The following SPAG16 variants were observed in gnomAD, a reference collection of about 807,000 sequenced individuals.
SPAG16 encodes sperm associated antigen 16.
A neutral mutation model predicts 80.4 loss-of-function variants in SPAG16; 86 were observed. The ratio of observed to expected loss-of-function variants is 1.07; its 90% CI spans 0.90 to 1.28. The LOEUF is 1.28. Ranked by LOEUF, SPAG16 falls within the 50% of genes most tolerant of loss-of-function variation. SPAG16 has a pLI of 0.00. For synonymous variants in SPAG16, 294 were observed against 265.9 expected (o/e 1.11, Z -1.03); for missense variants, 870 against 765.3 (o/e 1.14, Z -1.61).
chr2:213,371,452 G>A (rs544873383), intron 8 of SPAG16, among the ~76,000 whole-genome samples: 18 of 146,066 alleles, frequency 1.2e-4, no homozygotes, highest in Non-Finnish European at 2.5e-4. Flanking sequence ...TTAAGTGGTT[G>A]TTCTTCATAA....
At chr2:213,296,974 C>T (rs1236376011) in intron 2 of SPAG16, 4 of 978,758 alleles carry the variant, frequency 4.1e-6, no homozygotes, top group East Asian at 1.1e-4. Context: ...ATTTAGATAG[C>T]CTTATTATTT....
chr2:213,717,950 T>G (rs1174676499), intron 10 of SPAG16, among the ~76,000 whole-genome samples: 1 of 152,012 alleles, frequency 6.6e-6, no homozygotes, highest in Non-Finnish European at 1.5e-5. Flanking sequence ...TTAGACTTCA[T>G]GACTAAAACA....
chr2:213,506,946 C>G (rs2074993158), intron 10 of SPAG16, among the ~76,000 whole-genome samples: 1 of 152,178 alleles, frequency 6.6e-6, no homozygotes, highest in Non-Finnish European at 1.5e-5. Flanking sequence ...TCACAATGCT[C>G]TCTAGGAAAA....
intron 15 of SPAG16, among the ~76,000 whole-genome samples, chr2:214,368,877 A>G (rs1035143944): frequency 6.6e-6 from 1 of 152,014 alleles, no homozygotes; most frequent in Non-Finnish European, 1.5e-5. Context: ...CTATATCTTA[A>G]TTTTACAATT....
chr2:213,668,560 G>A (rs2063699158), intron 10 of SPAG16, among the ~76,000 whole-genome samples: 1 of 152,008 alleles, frequency 6.6e-6, no homozygotes, highest in Non-Finnish European at 1.5e-5. Flanking sequence ...TTAATATTTA[G>A]CACAGTTCTT....
intron 9 of SPAG16, among the ~76,000 whole-genome samples, chr2:213,431,930 A>G (rs1182986381): frequency 1.3e-5 from 2 of 152,124 alleles, no homozygotes; most frequent in Non-Finnish European, 2.9e-5. Flanking sequence ...TGAAACTAGA[A>G]GTTAATACCA....
chr2:213,603,980 A>G (rs2061163106), intron 10 of SPAG16, among the ~76,000 whole-genome samples: 1 of 151,412 alleles, frequency 6.6e-6, no homozygotes, highest in Non-Finnish European at 1.5e-5. Flanking sequence ...CTGAAGAGCA[A>G]TGGCACGATC....
intron 15 of SPAG16, among the ~76,000 whole-genome samples, chr2:214,377,398 C>T (rs965505452): frequency 1.3e-5 from 2 of 152,168 alleles, no homozygotes; most frequent in Admixed American, 1.3e-4. Flanking sequence ...TGGAGGCCTG[C>T]AGCTGTGGTT....
intron 15 of SPAG16, among the ~76,000 whole-genome samples, chr2:214,286,501 C>G (rs1331497868): frequency 6.6e-6 from 1 of 152,154 alleles, no homozygotes; most frequent in Non-Finnish European, 1.5e-5. Flanking sequence ...AATCCCGGCA[C>G]TTTGTGAGGC....
intron 12 of SPAG16, among the ~76,000 whole-genome samples, chr2:213,977,237 C>T (rs1157300631): frequency 6.6e-6 from 1 of 152,030 alleles, no homozygotes; most frequent in African/African-American, 2.4e-5. Context: ...ATGAAAAATA[C>T]ACACACTGCC....
chr2:213,766,608 G>A (rs1327618686), intron 10 of SPAG16, among the ~76,000 whole-genome samples: 3 of 152,152 alleles, frequency 2.0e-5, no homozygotes, highest in Non-Finnish European at 2.9e-5. Context: ...CAGATATGGG[G>A]GTGGTCTCAG....
At chr2:214,173,592 C>G (rs1342962826) in intron 15 of SPAG16, among the ~76,000 whole-genome samples, 1 of 151,768 alleles carries the variant, frequency 6.6e-6, no homozygotes, top group Non-Finnish European at 1.5e-5. Flanking sequence ...AATAGCTTAC[C>G]AACCAAAAAG....
intron 15 of SPAG16, chr2:214,280,534 A>G (rs1692843481): frequency 5.8e-6 from 1 of 170,962 alleles, no homozygotes; most frequent in Admixed American, 6.3e-5. Flanking sequence ...TCAAAGAAAC[A>G]GAGTAGAGAT....
chr2:213,536,667 G>T (rs1402313704), intron 10 of SPAG16, among the ~76,000 whole-genome samples: 1 of 152,082 alleles, frequency 6.6e-6, no homozygotes, highest in Non-Finnish European at 1.5e-5. Context: ...CCCACTTTTT[G>T]ATGGGGTTGT....
intron 10 of SPAG16, among the ~76,000 whole-genome samples, chr2:213,667,283 A>T (rs539525436): frequency 6.6e-6 from 1 of 152,224 alleles, no homozygotes; most frequent in Admixed American, 6.5e-5. Context: ...TCACTAGGAA[A>T]TTCAGGAGGG....
intron 10 of SPAG16, among the ~76,000 whole-genome samples, chr2:213,652,657 T>G (rs1317529918): frequency 6.6e-6 from 1 of 152,182 alleles, no homozygotes; most frequent in Non-Finnish European, 1.5e-5. Context: ...ATCAGACATT[T>G]TTTTCATGTG....
intron 9 of SPAG16, among the ~76,000 whole-genome samples, chr2:213,439,258 A>T (rs1452548004): frequency 1.3e-5 from 2 of 152,198 alleles, no homozygotes; most frequent in African/African-American, 4.8e-5. Flanking sequence ...CTGAAGTTGG[A>T]ATGCTTCTGT....
At chr2:214,300,149 A>G (rs1694443482) in intron 15 of SPAG16, among the ~76,000 whole-genome samples, 1 of 152,134 alleles carries the variant, frequency 6.6e-6, no homozygotes, top group Non-Finnish European at 1.5e-5. Context: ...GAATTCTCAC[A>G]TATAGTTTTT....
chr2:213,297,765 G>A (rs895033064), intron 3 of SPAG16, among the ~76,000 whole-genome samples: 10 of 152,058 alleles, frequency 6.6e-5, no homozygotes, highest in Admixed American at 6.6e-4. Context: ...GCTTTCTTGT[G>A]AGGCTTATGA....
Sources: gnomAD v4.1 joint callset for allele counts (sites outside exome capture counted in the v4.1 genomes callset) on GRCh38, gnomAD v4.1.1 for gene constraint, MANE v1.5 for transcripts, NCBI Gene and HGNC (gene_info 2026-07-23, HGNC 2026-07-21) for gene names.